CNTN6: variants seen among roughly 807,000 people sequenced by gnomAD.
CNTN6 encodes contactin-6.
CNTN6 carries 137 observed loss-of-function variants against 122.8 expected under a neutral mutation model. That is an observed-to-expected ratio of 1.12 (90% CI 0.97 to 1.29). The LOEUF (loss-of-function observed/expected upper bound fraction) is 1.29, where lower values mean the gene tolerates loss of function less well. Ranked by LOEUF, CNTN6 falls within the 50% of genes most tolerant of loss-of-function variation. The pLI, the probability that CNTN6 is intolerant of heterozygous loss-of-function variation, is 0.00. For synonymous variants in CNTN6, 570 were observed against 426.0 expected (o/e 1.34, Z -4.16); for missense variants, 1,634 against 1,223.4 (o/e 1.34, Z -5.01).
chr3:1,110,686 GA>G (rs966577789), intron 1 of CNTN6, among the ~76,000 whole-genome samples: 20 of 148,956 alleles, frequency 1.3e-4, no homozygotes, highest in East Asian at 3.9e-4. Context: ...TCAGTACTTT[GA>G]AAAAAAAAAT....
At chr3:1,155,331 A>G (rs1475712984) in intron 2 of CNTN6, among the ~76,000 whole-genome samples, 2 of 152,214 alleles carry the variant, frequency 1.3e-5, no homozygotes, top group Non-Finnish European at 2.9e-5. Context: ...AAAATAAATG[A>G]GCACGTTATT....
intron 1 of CNTN6, among the ~76,000 whole-genome samples, chr3:1,127,654 T>A (rs1325706812): frequency 6.6e-6 from 1 of 152,008 alleles, no homozygotes; most frequent in Non-Finnish European, 1.5e-5. Flanking sequence ...GTTGATTGAA[T>A]TTTTACTTTC....
intron 1 of CNTN6, among the ~76,000 whole-genome samples, chr3:1,097,874 A>C (rs2090615473): frequency 6.6e-6 from 1 of 152,226 alleles, no homozygotes. Context: ...AAACAATGAA[A>C]AGACTAAAAT....
At chr3:1,134,807 A>G (rs1406356755) in intron 1 of CNTN6, among the ~76,000 whole-genome samples, 2 of 152,204 alleles carry the variant, frequency 1.3e-5, no homozygotes, top group Non-Finnish European at 2.9e-5. Flanking sequence ...TACTATTTAT[A>G]TAAACATGAA....
intron 6 of CNTN6, among the ~76,000 whole-genome samples, chr3:1,297,541 T>A (rs991571307): frequency 2.6e-5 from 4 of 152,164 alleles, no homozygotes; most frequent in Admixed American, 6.5e-5. Flanking sequence ...TGCCTTTATA[T>A]GTTCTGCTGC....
At chr3:1,097,629 C>A (rs528998960) in intron 1 of CNTN6, among the ~76,000 whole-genome samples, 2 of 152,240 alleles carry the variant, frequency 1.3e-5, no homozygotes, top group South Asian at 4.1e-4. Flanking sequence ...TGGTCTTAGG[C>A]AAGTTTCTTA....
At chr3:1,360,021 T>A (rs1234693823) in intron 12 of CNTN6, among the ~76,000 whole-genome samples, 4 of 152,130 alleles carry the variant, frequency 2.6e-5, no homozygotes, top group African/African-American at 9.7e-5. Context: ...CCTTTCTGTT[T>A]CTTAACATAC....
intron 11 of CNTN6, among the ~76,000 whole-genome samples, chr3:1,333,945 A>G (rs1257633404): frequency 6.6e-6 from 1 of 152,112 alleles, no homozygotes; most frequent in African/African-American, 2.4e-5. Context: ...ACATGATTCA[A>G]CGTAATTTGA....
At chr3:1,170,037 C>A (rs1230469483) in intron 2 of CNTN6, among the ~76,000 whole-genome samples, 1 of 151,910 alleles carries the variant, frequency 6.6e-6, no homozygotes, top group African/African-American at 2.4e-5. Context: ...GAGTTCAAGA[C>A]CAGCCTGGCC....
In CNTN6 at chr3:1,237,855, G is replaced by A. The variant is rs548731617; in HGVS notation, c.358+9862G>A. ...TTTTCCAGACAAATAAATGCTGGGA[G>A]AATTTGCCACTACCAAGCCAACACA... is the stretch of plus-strand genomic sequence containing the variant. On this transcript the variant is annotated intron_variant, in intron 4 of 22. Coordinates refer to ENST00000446702, the MANE Select transcript of CNTN6 (RefSeq NM_001289080.2). 5.3e-5 allele frequency among the ~76,000 whole-genome samples: 8 copies of A among 152,222 alleles called. No individual in the cohort carries two copies. In the South Asian group the frequency reaches 1.7e-3, roughly 32 times the overall value.
At chr3:1,308,470 C>T (rs1698715447) in intron 7 of CNTN6, among the ~76,000 whole-genome samples, 1 of 151,996 alleles carries the variant, frequency 6.6e-6, no homozygotes, top group South Asian at 2.1e-4. Flanking sequence ...TATCTGGGTA[C>T]TAGGTGTGCT....
chr3:1,126,530 T>C (rs1456668536), intron 1 of CNTN6, among the ~76,000 whole-genome samples: 2 of 151,920 alleles, frequency 1.3e-5, no homozygotes, highest in Admixed American at 6.6e-5. Context: ...TATCACAATC[T>C]TTGTTAATTG....
In CNTN6 at chr3:1,385,823, C is replaced by A. The variant is rs756250399; in HGVS notation, c.2704+26C>A. On this transcript the variant is annotated intron_variant, in intron 20 of 22. Coordinates refer to ENST00000446702, the MANE Select transcript of CNTN6 (RefSeq NM_001289080.2). ...GTAAGTATGCATACACTCCAGGAAA[C>A]AAGATTCATCTGTGAAGAGCAACCT... 4 of 1,564,994 alleles carry A rather than the reference C, an allele frequency of 2.6e-6. No homozygotes were observed. In the South Asian group the frequency reaches 3.6e-5, roughly 14 times the overall value.
chr3:1,102,557 C>G (rs966854599), intron 1 of CNTN6, among the ~76,000 whole-genome samples: 2 of 149,586 alleles, frequency 1.3e-5, no homozygotes, highest in South Asian at 2.1e-4. Flanking sequence ...GGTGAAACCC[C>G]GTCTCTACTA....
At chr3:1,333,790 G>T (rs1417823952) in intron 11 of CNTN6, among the ~76,000 whole-genome samples, 1 of 152,094 alleles carries the variant, frequency 6.6e-6, no homozygotes, top group African/African-American at 2.4e-5. Context: ...AGTCTTACAT[G>T]AATTGAAACA....
intron 16 of CNTN6, 78 bp from the exon 17 acceptor site, chr3:1,376,927 A>G: frequency 1.0e-6 from 1 of 969,730 alleles, no homozygotes. Context: ...TTGAAAAGTG[A>G]AATTCAAAAA....
At chr3:1,225,214 G>A (rs2094264703) in intron 3 of CNTN6, among the ~76,000 whole-genome samples, 1 of 152,178 alleles carries the variant, frequency 6.6e-6, no homozygotes, top group African/African-American at 2.4e-5. Context: ...TTGCATCATA[G>A]GAAGACACTT....
intron 4 of CNTN6, among the ~76,000 whole-genome samples, chr3:1,268,617 A>C (rs2094968784): frequency 6.6e-6 from 1 of 151,692 alleles, no homozygotes; most frequent in Non-Finnish European, 1.5e-5. Context: ...AAAAAAAAAA[A>C]AAAAAAATAC....
At chr3:1,209,547 G>GTTATTGAACATATACTTTTGAAA (rs1274775465) in intron 2 of CNTN6, among the ~76,000 whole-genome samples, 5 of 152,140 alleles carry the variant, frequency 3.3e-5, no homozygotes, top group African/African-American at 1.2e-4. Context: ...ATGTTCAAGC[G>GTTATTGAACATATACTTTTGAAA]TTATTGAACA....
Sources: gnomAD v4.1 joint callset for allele counts (sites outside exome capture counted in the v4.1 genomes callset) on GRCh38, gnomAD v4.1.1 for gene constraint, MANE v1.5 for transcripts, NCBI Gene and HGNC (gene_info 2026-07-23, HGNC 2026-07-21) for gene names.